Variants in TOP6BL observed in about 807,000 individuals in gnomAD.
TOP6BL encodes type 2 DNA topoisomerase 6 subunit B-like.
the TOP6BL span, among the ~76,000 whole-genome samples, chr11:66,809,805 G>A: frequency 6.6e-6 from 1 of 152,124 alleles, no homozygotes; most frequent in Non-Finnish European, 1.5e-5. Context: ...CTGGGGTTAA[G>A]CAGTCCTCCT....
the TOP6BL span, among the ~76,000 whole-genome samples, chr11:66,788,876 G>A: frequency 6.6e-6 from 1 of 152,148 alleles, no homozygotes; most frequent in African/African-American, 2.4e-5. Flanking sequence ...TCAGCCTGCC[G>A]AGTAGCTGGT....
chr11:66,805,403 TTTCTA>T, the TOP6BL span, among the ~76,000 whole-genome samples: 2 of 151,940 alleles, frequency 1.3e-5, no homozygotes, highest in African/African-American at 4.8e-5. Flanking sequence ...TGATGTCAGA[TTTCTA>T]TTCTATGTCT....
chr11:66,808,060 C>G, the TOP6BL span, among the ~76,000 whole-genome samples: 1 of 152,170 alleles, frequency 6.6e-6, no homozygotes, highest in Non-Finnish European at 1.5e-5. Flanking sequence ...CCTGTGCTCC[C>G]AATTATTTAA....
At chr11:66,751,163 GTGCTAC>G in the TOP6BL span, among the ~76,000 whole-genome samples, 9 of 152,076 alleles carry the variant, frequency 5.9e-5, no homozygotes, top group African/African-American at 2.2e-4. Context: ...CTACAGGCAT[GTGCTAC>G]CATGCCTGAC....
At chr11:66,842,988 C>T in the TOP6BL span, 4 of 1,550,480 alleles carry the variant, frequency 2.6e-6, no homozygotes, top group Middle Eastern at 2.1e-4. Flanking sequence ...CGGCCCCCCT[C>T]ACTCCTAGAG....
the TOP6BL span, chr11:66,804,015 T>A: frequency 6.2e-7 from 1 of 1,605,374 alleles, no homozygotes; most frequent in Non-Finnish European, 8.5e-7. Flanking sequence ...TTTGGTACAA[T>A]TGAATCACAC....
chr11:66,754,933 A>G, the TOP6BL span, among the ~76,000 whole-genome samples: 3 of 152,172 alleles, frequency 2.0e-5, no homozygotes, highest in Non-Finnish European at 4.4e-5. Context: ...ATTTTTCAAC[A>G]GACTCTCCTT....
the TOP6BL span, chr11:66,815,831 C>G: frequency 4.6e-6 from 2 of 432,590 alleles, no homozygotes; most frequent in Non-Finnish European, 4.1e-6. Flanking sequence ...GTTTGGCTTG[C>G]ATTTTACACA....
the TOP6BL span, among the ~76,000 whole-genome samples, chr11:66,759,610 G>A: frequency 1.3e-5 from 2 of 152,146 alleles, no homozygotes; most frequent in African/African-American, 4.8e-5. Flanking sequence ...TTGAGACGGA[G>A]TCTCACTCTG....
At chr11:66,843,381 A>G in the TOP6BL span, 8 of 1,431,258 alleles carry the variant, frequency 5.6e-6, no homozygotes, top group South Asian at 1.5e-5. Context: ...CGGGGCGTGG[A>G]GCCGCGCCGC....
chr11:66,795,849 G>A, the TOP6BL span: 1 of 152,704 alleles, frequency 6.5e-6, no homozygotes, highest in Admixed American at 6.5e-5. Flanking sequence ...TCAAAAATAG[G>A]TTCCTTTTAG....
At chr11:66,777,902 C>T in the TOP6BL span, among the ~76,000 whole-genome samples, 1 of 152,172 alleles carries the variant, frequency 6.6e-6, no homozygotes, top group South Asian at 2.1e-4. Flanking sequence ...GTAATGCTAA[C>T]ATTTGTAGCA....
At chr11:66,754,739 T>C in the TOP6BL span, among the ~76,000 whole-genome samples, 2 of 152,172 alleles carry the variant, frequency 1.3e-5, no homozygotes, top group African/African-American at 2.4e-5. Flanking sequence ...GTATTGGGTA[T>C]CTCAGCATTC....
chr11:66,816,217 G>A, the TOP6BL span: 51 of 1,599,460 alleles, frequency 3.2e-5, no homozygotes, highest in Admixed American at 5.1e-5. Context: ...TAAGAGAATG[G>A]GGTTGCCAGC....
At chr11:66,755,841 C>T in the TOP6BL span, among the ~76,000 whole-genome samples, 1 of 152,196 alleles carries the variant, frequency 6.6e-6, no homozygotes, top group South Asian at 2.1e-4. Flanking sequence ...CCTGCCTTCA[C>T]ATGGCATTCT....
the TOP6BL span, among the ~76,000 whole-genome samples, chr11:66,830,559 T>C: frequency 3.0e-4 from 46 of 152,090 alleles, no homozygotes; most frequent in African/African-American, 8.9e-4. Flanking sequence ...ATCAGTAACA[T>C]AGAAACCAGA....
At chr11:66,829,918 A>G in the TOP6BL span, among the ~76,000 whole-genome samples, 1 of 152,146 alleles carries the variant, frequency 6.6e-6, no homozygotes, top group African/African-American at 2.4e-5. Context: ...TAATAAATAA[A>G]CAAACATAAA....
chr11:66,801,111 GTAAAGCCTTGTTGTCCCTCTGCATGTTT>G, the TOP6BL span: 7 of 1,609,772 alleles, frequency 4.3e-6, no homozygotes, highest in Non-Finnish European at 6.0e-6. Flanking sequence ...AGGTGAAGGC[GTAAAGCCTTGTTGTCCCTCTGCATGTTT>G]TACTCTCCTC....
the TOP6BL span, among the ~76,000 whole-genome samples, chr11:66,826,044 C>T: frequency 2.6e-5 from 4 of 152,064 alleles, no homozygotes; most frequent in South Asian, 6.2e-4. Flanking sequence ...GGGGTTTCAT[C>T]GTGTTAGCTA....
Sources: gnomAD v4.1 joint callset for allele counts (sites outside exome capture counted in the v4.1 genomes callset) on GRCh38, gnomAD v4.1.1 for gene constraint, MANE v1.5 for transcripts, NCBI Gene and HGNC (gene_info 2026-07-23, HGNC 2026-07-21) for gene names.